The following PLXNA2 variants were observed in gnomAD, a reference collection of about 807,000 sequenced individuals.
PLXNA2 encodes the protein plexin-A2.
A neutral mutation model predicts 193.5 loss-of-function variants in PLXNA2; 91 were observed. The ratio of observed to expected loss-of-function variants is 0.47; its 90% CI spans 0.40 to 0.56. PLXNA2 has a LOEUF of 0.56. PLXNA2 is among the 20% of genes least tolerant of loss of function. The pLI, the probability that PLXNA2 is intolerant of heterozygous loss-of-function variation, is 0.00. For missense variants in PLXNA2, 1,995 were observed against 2,503.2 expected, an observed-to-expected ratio of 0.80 and a Z score of 4.33; for synonymous variants, 997 against 1,027.3, an observed-to-expected ratio of 0.97 and a Z score of 0.56.
intron 4 of PLXNA2, among the ~76,000 whole-genome samples, chr1:208,111,142 C>T (rs1331087281): frequency 6.6e-6 from 1 of 152,166 alleles, no homozygotes; most frequent in African/African-American, 2.4e-5. Context: ...TCTCTACCTC[C>T]CGGGCTCAAC....
chr1:208,052,134 C>T (rs1471289835), intron 15 of PLXNA2, among the ~76,000 whole-genome samples, 193 bp downstream of exon 15: 3 of 152,154 alleles, frequency 2.0e-5, no homozygotes, highest in Non-Finnish European at 2.9e-5. Context: ...AGTATCCAGC[C>T]CCTTTGATAT....
intron 3 of PLXNA2, 37 bp downstream of exon 3, chr1:208,210,243 G>A (rs759424667): frequency 6.2e-7 from 1 of 1,605,708 alleles, no homozygotes; most frequent in East Asian, 2.2e-5. Flanking sequence ...CTGAGGAGGT[G>A]AATGGCATTG....
chr1:208,160,796 A>G (rs948789200), intron 3 of PLXNA2, among the ~76,000 whole-genome samples: 1 of 152,274 alleles, frequency 6.6e-6, no homozygotes, highest in African/African-American at 2.4e-5. Context: ...TAATTCATAG[A>G]TTAATTATTC....
chr1:208,172,161 A>G (rs896950771), intron 3 of PLXNA2, among the ~76,000 whole-genome samples: 2 of 152,006 alleles, frequency 1.3e-5, no homozygotes, highest in South Asian at 2.1e-4. Flanking sequence ...CCAACGTAAC[A>G]GCAGCCTGAA....
chr1:208,175,899 G>A (rs1669649458), intron 3 of PLXNA2, among the ~76,000 whole-genome samples: 2 of 152,150 alleles, frequency 1.3e-5, no homozygotes, highest in South Asian at 2.1e-4. Flanking sequence ...ATGGTTATAG[G>A]GTTGGACACG....
chr1:208,074,511 T>G (rs910309739), intron 12 of PLXNA2, among the ~76,000 whole-genome samples: 16 of 152,126 alleles, frequency 1.1e-4, no homozygotes, highest in Admixed American at 8.5e-4. Context: ...ACTGTGAAAT[T>G]CAATAGCCTG....
intron 3 of PLXNA2, among the ~76,000 whole-genome samples, chr1:208,157,193 T>C (rs2102507942): frequency 6.6e-6 from 1 of 152,350 alleles, no homozygotes; most frequent in Non-Finnish European, 1.5e-5. Context: ...CCTTTATGAC[T>C]TGGCTGCTGG....
chr1:208,196,491 C>T (rs189185547), intron 3 of PLXNA2, among the ~76,000 whole-genome samples: 197 of 152,262 alleles, frequency 1.3e-3, no homozygotes, highest in African/African-American at 4.3e-3. Context: ...GAATGCAAAT[C>T]CTGTGTTCAA....
At chr1:208,111,485 T>C (rs1667474101) in intron 4 of PLXNA2, among the ~76,000 whole-genome samples, 1 of 152,184 alleles carries the variant, frequency 6.6e-6, no homozygotes, top group South Asian at 2.1e-4. Context: ...TTAGCACAGC[T>C]TGGGTAGTGG....
chr1:208,045,415 TGAA>T (rs926963053), intron 18 of PLXNA2, among the ~76,000 whole-genome samples: 10 of 151,760 alleles, frequency 6.6e-5, no homozygotes, highest in South Asian at 2.1e-4. Context: ...AGAATGAAAA[TGAA>T]GAAGAGAGTG....
chr1:208,085,455 T>C (rs1666487599), intron 9 of PLXNA2, among the ~76,000 whole-genome samples: 1 of 152,220 alleles, frequency 6.6e-6, no homozygotes, highest in Admixed American at 6.5e-5. Context: ...TAGGGGGAAC[T>C]TCTGGGAATG....
At chr1:208,063,948 G>A (rs780092011) in intron 12 of PLXNA2, among the ~76,000 whole-genome samples, 1 of 152,040 alleles carries the variant, frequency 6.6e-6, no homozygotes, top group Non-Finnish European at 1.5e-5. Flanking sequence ...ACTTCCCCAT[G>A]TATCTCCCTC....
chr1:208,111,423 A>C (rs1667472172), intron 4 of PLXNA2, among the ~76,000 whole-genome samples: 1 of 152,142 alleles, frequency 6.6e-6, no homozygotes, highest in African/African-American at 2.4e-5. Flanking sequence ...GGCTGTGAGC[A>C]GGCTCCACGT....
At chr1:208,069,656 A>G (rs977067897) in intron 12 of PLXNA2, among the ~76,000 whole-genome samples, 4 of 152,132 alleles carry the variant, frequency 2.6e-5, no homozygotes, top group Non-Finnish European at 5.9e-5. Context: ...TTGTCAGGGC[A>G]GGGTTGGGGC....
rs147771614 is a variant in PLXNA2 at position 208,039,362 on chromosome 1, C to T, written c.4500+259G>A. ...CCAACATACATCTTTCTCATAATAC[C>T]AATTACCCAATAACTAATGATGGGT... is the stretch of plus-strand genomic sequence containing the variant. On this transcript the variant is annotated intron_variant, in intron 24 of 31. Coordinates refer to ENST00000367033, the MANE Select transcript of PLXNA2 (RefSeq NM_025179.4). 2.9e-4 allele frequency among the ~76,000 whole-genome samples: 44 copies of T among 149,200 alleles called. 1 individual carries two copies. In the East Asian group the frequency reaches 8.5e-3, roughly 29 times the overall value.
intron 26 of PLXNA2, among the ~76,000 whole-genome samples, chr1:208,035,006 T>C (rs766506844): frequency 1.1e-4 from 16 of 152,240 alleles, no homozygotes; most frequent in Non-Finnish European, 1.9e-4. Flanking sequence ...TATGTAACAT[T>C]AATTGATCTT....
intron 12 of PLXNA2, among the ~76,000 whole-genome samples, chr1:208,068,704 A>T (rs1665876784): frequency 6.6e-6 from 1 of 152,182 alleles, no homozygotes; most frequent in South Asian, 2.1e-4. Context: ...GCCATTAACC[A>T]GGCTGGCCCT....
At chr1:208,139,601 T>G (rs1030903754) in intron 4 of PLXNA2, among the ~76,000 whole-genome samples, 8 of 152,212 alleles carry the variant, frequency 5.3e-5, no homozygotes, top group African/African-American at 1.2e-4. Flanking sequence ...ATCATACCCA[T>G]GGACTTCAGA....
At chr1:208,091,775 C>G (rs779433587) in intron 9 of PLXNA2, among the ~76,000 whole-genome samples, 3 of 150,248 alleles carry the variant, frequency 2.0e-5, no homozygotes, top group African/African-American at 7.4e-5. Flanking sequence ...GTGGCTGAGG[C>G]AGGAGAATTG....
Sources: allele counts gnomAD v4.1 joint callset (sites outside exome capture counted in the v4.1 genomes callset), GRCh38; gene constraint gnomAD v4.1.1; transcripts MANE v1.5; gene names NCBI Gene and HGNC (gene_info 2026-07-23, HGNC 2026-07-21).